The following BMAL2 variants were observed in gnomAD, a reference collection of about 807,000 sequenced individuals.
The protein encoded by BMAL2 is basic helix-loop-helix ARNT-like protein 2.
the BMAL2 span, among the ~76,000 whole-genome samples, chr12:27,362,252 A>G: frequency 3.9e-4 from 59 of 152,284 alleles, no homozygotes; most frequent in South Asian, 4.1e-3. Context: ...CTGTCATTCA[A>G]AATCCATTAG....
the BMAL2 span, chr12:27,401,418 C>G: frequency 1.3e-6 from 2 of 1,555,274 alleles, no homozygotes; most frequent in African/African-American, 2.7e-5. Flanking sequence ...ACAGTTTTAA[C>G]TCTTAATTTC....
the BMAL2 span, among the ~76,000 whole-genome samples, chr12:27,399,981 T>C: frequency 6.6e-6 from 1 of 152,200 alleles, no homozygotes; most frequent in African/African-American, 2.4e-5. Context: ...TTTATTTTTG[T>C]ACTTTTCACT....
chr12:27,394,072 C>T, the BMAL2 span, among the ~76,000 whole-genome samples: 1 of 152,144 alleles, frequency 6.6e-6, no homozygotes, highest in African/African-American at 2.4e-5. Context: ...GCTGAGACTA[C>T]AGATATGTAT....
the BMAL2 span, among the ~76,000 whole-genome samples, chr12:27,333,413 G>A: frequency 6.6e-6 from 1 of 152,220 alleles, no homozygotes; most frequent in Non-Finnish European, 1.5e-5. Context: ...GGAGCCAGCG[G>A]GGGACCTTGC....
At chr12:27,359,677 G>T in the BMAL2 span, among the ~76,000 whole-genome samples, 2 of 151,218 alleles carry the variant, frequency 1.3e-5, no homozygotes, top group Non-Finnish European at 2.9e-5. Context: ...GCAAGACCTT[G>T]TCTCAAAAAC....
At chr12:27,353,440 G>A in the BMAL2 span, among the ~76,000 whole-genome samples, 4 of 152,274 alleles carry the variant, frequency 2.6e-5, no homozygotes, top group African/African-American at 9.6e-5. Flanking sequence ...GTGGATTAAA[G>A]ACTTAAATAT....
the BMAL2 span, among the ~76,000 whole-genome samples, chr12:27,410,516 G>A: frequency 6.6e-6 from 1 of 152,096 alleles, no homozygotes; most frequent in Non-Finnish European, 1.5e-5. Context: ...AACACCGCAT[G>A]TTCTCACTCA....
At chr12:27,376,379 G>A in the BMAL2 span, 1 of 1,613,808 alleles carries the variant, frequency 6.2e-7, no homozygotes. Context: ...TTAAAATGAA[G>A]GCCTTCAGGT....
the BMAL2 span, among the ~76,000 whole-genome samples, chr12:27,359,794 T>C: frequency 1.2e-4 from 18 of 152,168 alleles, no homozygotes; most frequent in African/African-American, 4.3e-4. Context: ...CATATAGCCT[T>C]ATGGAGGATC....
At chr12:27,340,962 C>G in the BMAL2 span, among the ~76,000 whole-genome samples, 1 of 152,094 alleles carries the variant, frequency 6.6e-6, no homozygotes, top group Non-Finnish European at 1.5e-5. Context: ...GATTTTGTAT[C>G]CTGAGACTTT....
the BMAL2 span, chr12:27,390,609 G>C: frequency 9.0e-4 from 149 of 165,854 alleles, no homozygotes; most frequent in Non-Finnish European, 1.5e-3. Flanking sequence ...ACAAGAGCCT[G>C]ATTTGACTAA....
chr12:27,361,301 T>C, the BMAL2 span, among the ~76,000 whole-genome samples: 1 of 152,196 alleles, frequency 6.6e-6, no homozygotes, highest in Non-Finnish European at 1.5e-5. Context: ...TAGTAGACCT[T>C]TGAAATATTG....
the BMAL2 span, among the ~76,000 whole-genome samples, chr12:27,410,760 T>C: frequency 6.6e-6 from 1 of 152,014 alleles, no homozygotes; most frequent in Non-Finnish European, 1.5e-5. Context: ...AAAATAATAA[T>C]TTTTAAAAAT....
At chr12:27,351,816 G>A in the BMAL2 span, among the ~76,000 whole-genome samples, 19,255 of 152,216 alleles carry the variant, frequency 0.13, 1,398 homozygotes, top group Non-Finnish European at 0.17. Flanking sequence ...GGAACGGCGA[G>A]TAACAATCTA....
the BMAL2 span, among the ~76,000 whole-genome samples, chr12:27,397,258 G>A: frequency 6.6e-6 from 1 of 152,128 alleles, no homozygotes; most frequent in African/African-American, 2.4e-5. Flanking sequence ...TTTTAGTAGA[G>A]ATGGGGTTTC....
At chr12:27,414,668 C>T in the BMAL2 span, among the ~76,000 whole-genome samples, 1 of 152,002 alleles carries the variant, frequency 6.6e-6, no homozygotes, top group African/African-American at 2.4e-5. Context: ...CTAAGAGGGA[C>T]GTTTATAGCA....
At chr12:27,390,970 C>T in the BMAL2 span, among the ~76,000 whole-genome samples, 1 of 152,284 alleles carries the variant, frequency 6.6e-6, no homozygotes, top group East Asian at 1.9e-4. Flanking sequence ...TGACAAACAC[C>T]TGAAACGGTA....
At chr12:27,352,685 T>G in the BMAL2 span, among the ~76,000 whole-genome samples, 3 of 152,214 alleles carry the variant, frequency 2.0e-5, no homozygotes, top group African/African-American at 7.2e-5. Context: ...ATTCTCTATC[T>G]AGAAAACCCT....
the BMAL2 span, chr12:27,401,236 T>C: frequency 1.0e-5 from 16 of 1,588,934 alleles, no homozygotes; most frequent in Middle Eastern, 8.3e-4. Flanking sequence ...TTCTGAAGTT[T>C]ATTTTCAATT....
Sources: allele counts gnomAD v4.1 joint callset (sites outside exome capture counted in the v4.1 genomes callset), GRCh38; gene constraint gnomAD v4.1.1; transcripts MANE v1.5; gene names NCBI Gene and HGNC (gene_info 2026-07-23, HGNC 2026-07-21).